HS6ST3: variants seen among roughly 807,000 people sequenced by gnomAD.
HS6ST3 encodes heparan-sulfate 6-O-sulfotransferase 3.
HS6ST3 carries 12 observed loss-of-function variants against 36.7 expected under a neutral mutation model. That is an observed-to-expected ratio of 0.33 (90% CI 0.21 to 0.53). The LOEUF (loss-of-function observed/expected upper bound fraction) is 0.53, where lower values mean the gene tolerates loss of function less well. Ranked by LOEUF, HS6ST3 falls within the 20% of genes least tolerant of loss-of-function variation. HS6ST3 has a pLI of 0.95. For synonymous variants in HS6ST3, 240 were observed against 257.5 expected (o/e 0.93, Z 0.65); for missense variants, 584 against 640.9 (o/e 0.91, Z 0.96).
At chr13:96,599,901 CA>C (rs1417584825) in intron 1 of HS6ST3, among the ~76,000 whole-genome samples, 9 of 152,088 alleles carry the variant, frequency 5.9e-5, no homozygotes, top group African/African-American at 2.2e-4. Context: ...AGAGAGCATT[CA>C]GGGGCAGATT....
chr13:96,704,497 G>T (rs921779062), intron 1 of HS6ST3, among the ~76,000 whole-genome samples: 2 of 152,184 alleles, frequency 1.3e-5, no homozygotes, highest in African/African-American at 4.8e-5. Context: ...GAGGAACAAA[G>T]ATCAGAAATC....
Position 96,103,004 on chromosome 13 carries a change from C to T in HS6ST3, c.707+11435C>T, listed in dbSNP as rs1057430746. Among the ~76,000 whole-genome samples the T allele has an allele frequency of 2.6e-5, 4 of 152,046 alleles. No individual in the cohort carries two copies. The East Asian group carries it at 7.7e-4, about 29-fold the overall frequency. On this transcript the variant is annotated intron_variant, in intron 1 of 1. Transcript: ENST00000376705. ...TTTTATCGGTACGTGTTTTTCTTGG[C>T]ATATATGTGTTTTCTTTTTAAAATT... is the stretch of plus-strand genomic sequence containing the variant.
chr13:96,632,343 G>A (rs1473674996), intron 1 of HS6ST3, among the ~76,000 whole-genome samples: 1 of 150,418 alleles, frequency 6.6e-6, no homozygotes, highest in Non-Finnish European at 1.5e-5. Flanking sequence ...TTGTTTTTTT[G>A]TTTTTTTCTG....
chr13:96,354,385 G>C (rs1290360349), intron 1 of HS6ST3, among the ~76,000 whole-genome samples: 3 of 152,044 alleles, frequency 2.0e-5, no homozygotes, highest in Non-Finnish European at 2.9e-5. Flanking sequence ...CAGAGCTATT[G>C]AGAAGTAGGA....
At chr13:96,207,180 A>C (rs1455317085) in intron 1 of HS6ST3, among the ~76,000 whole-genome samples, 1 of 152,150 alleles carries the variant, frequency 6.6e-6, no homozygotes, top group African/African-American at 2.4e-5. Context: ...GAAGACATAC[A>C]TGTGGCCAAC....
chr13:96,694,260 T>C (rs1395695876), intron 1 of HS6ST3, among the ~76,000 whole-genome samples: 1 of 152,150 alleles, frequency 6.6e-6, no homozygotes, highest in Admixed American at 6.6e-5. Context: ...TGAGAACTTG[T>C]AGTATTTGGT....
At chr13:96,703,165 C>A (rs1875332296) in intron 1 of HS6ST3, among the ~76,000 whole-genome samples, 1 of 152,204 alleles carries the variant, frequency 6.6e-6, no homozygotes, top group African/African-American at 2.4e-5. Flanking sequence ...AAACTGTTAT[C>A]AGTAAGAGCA....
chr13:96,682,977 C>G (rs957334953), intron 1 of HS6ST3, among the ~76,000 whole-genome samples: 2 of 151,928 alleles, frequency 1.3e-5, no homozygotes, highest in Non-Finnish European at 2.9e-5. Flanking sequence ...TTTTCTTTTT[C>G]TATGCAACAA....
At position 96,839,202 on chromosome 13, in the gene HS6ST3, A is replaced by C. The variant is rs760535338; in HGVS notation, c.*6004A>C. The stretch of plus-strand genomic sequence containing the variant: ...ACATTTATTTGTTAATCATATGATC[A>C]TTTTTTTTTCACTTTCCTTTTTTTC... On this transcript the variant is annotated 3_prime_UTR_variant, in exon 2 of 2. Coordinates refer to ENST00000376705, the MANE Select transcript of HS6ST3 (RefSeq NM_153456.4). 4 of 149,710 alleles carry C rather than the reference A, an allele frequency of 2.7e-5. No individual in the cohort carries two copies. The highest frequency in any genetic ancestry group is 9.8e-5 in the African/African-American group (4 of 40,642). 9.3% of individuals were successfully genotyped at this position (149,710 alleles called of 1,614,324 possible).
chr13:96,757,042 T>A (rs955474031), intron 1 of HS6ST3, among the ~76,000 whole-genome samples: 3 of 152,204 alleles, frequency 2.0e-5, no homozygotes, highest in African/African-American at 7.2e-5. Context: ...TCTAGAGGCA[T>A]ACCTAGGGAA....
chr13:96,611,969 G>A (rs2056458479), intron 1 of HS6ST3, among the ~76,000 whole-genome samples: 2 of 152,156 alleles, frequency 1.3e-5, no homozygotes, highest in South Asian at 4.1e-4. Flanking sequence ...GATTCCAGAA[G>A]CAACAACGTG....
intron 1 of HS6ST3, among the ~76,000 whole-genome samples, chr13:96,444,664 A>T (rs1159776253): frequency 6.6e-6 from 1 of 152,220 alleles, no homozygotes. Context: ...AGGGTTTCTT[A>T]TGTAGGAATA....
chr13:96,667,253 T>A (rs2056667154), intron 1 of HS6ST3, among the ~76,000 whole-genome samples: 2 of 152,198 alleles, frequency 1.3e-5, no homozygotes, highest in South Asian at 4.1e-4. Context: ...ATTCTCTTAA[T>A]TTCTAAGTTG....
At chr13:96,721,686 G>T (rs1407055386) in intron 1 of HS6ST3, among the ~76,000 whole-genome samples, 1 of 152,010 alleles carries the variant, frequency 6.6e-6, no homozygotes, top group African/African-American at 2.4e-5. Context: ...AACACATAGG[G>T]CCAGATATGT....
At chr13:96,679,260 G>A (rs935771740) in intron 1 of HS6ST3, among the ~76,000 whole-genome samples, 5 of 151,532 alleles carry the variant, frequency 3.3e-5, no homozygotes, top group South Asian at 2.1e-4. Flanking sequence ...TGCTAACATC[G>A]TAGTATCCTA....
intron 1 of HS6ST3, among the ~76,000 whole-genome samples, chr13:96,093,407 T>C (rs1168904841): frequency 6.6e-6 from 1 of 152,138 alleles, no homozygotes; most frequent in Non-Finnish European, 1.5e-5. Flanking sequence ...ACTTAATATC[T>C]CTATTCTGTT....
intron 1 of HS6ST3, among the ~76,000 whole-genome samples, chr13:96,750,338 C>A (rs986464410): frequency 1.3e-5 from 2 of 152,218 alleles, no homozygotes; most frequent in African/African-American, 4.8e-5. Flanking sequence ...CATGTGGCAA[C>A]CTTCCGTGAC....
At chr13:96,184,364 CT>C (rs2054255630) in intron 1 of HS6ST3, among the ~76,000 whole-genome samples, 2 of 152,094 alleles carry the variant, frequency 1.3e-5, no homozygotes, top group Admixed American at 1.3e-4. Flanking sequence ...ACTCAATTAT[CT>C]CACCTTTTCT....
chr13:96,831,457 C>A (rs541978254), intron 1 of HS6ST3, among the ~76,000 whole-genome samples: 1 of 152,262 alleles, frequency 6.6e-6, no homozygotes, highest in East Asian at 1.9e-4. Context: ...TTTTCTGAAC[C>A]TCTGTGGCTT....
Sources: gnomAD v4.1 joint callset for allele counts (sites outside exome capture counted in the v4.1 genomes callset) on GRCh38, gnomAD v4.1.1 for gene constraint, MANE v1.5 for transcripts, NCBI Gene and HGNC (gene_info 2026-07-23, HGNC 2026-07-21) for gene names.